SNX30: variants seen among roughly 807,000 people sequenced by gnomAD.
SNX30 encodes sorting nexin family member 30.
A neutral mutation model predicts 46.4 loss-of-function variants in SNX30; 24 were observed. The ratio of observed to expected loss-of-function variants is 0.52; its 90% CI spans 0.37 to 0.73. The LOEUF (loss-of-function observed/expected upper bound fraction) is 0.73, where lower values mean the gene tolerates loss of function less well. SNX30 is among the 30% of genes least tolerant of loss of function. SNX30 has a pLI of 0.00. For synonymous variants in SNX30, 189 were observed against 211.5 expected (o/e 0.89, Z 0.92); for missense variants, 533 against 555.7 (o/e 0.96, Z 0.41).
downstream of SNX30, among the ~76,000 whole-genome samples, chr9:112,876,619 G>A (rs367663620): frequency 3.0e-3 from 455 of 151,378 alleles, 2 homozygotes; most frequent in Non-Finnish European, 4.6e-3. Flanking sequence ...GAGAACCAAG[G>A]ACAGGACCTT....
At chr9:112,754,351 A>G (rs150500924) in intron 1 of SNX30, among the ~76,000 whole-genome samples, 10 of 150,502 alleles carry the variant, frequency 6.6e-5, no homozygotes, top group African/African-American at 1.7e-4. Context: ...AATCCTTTCT[A>G]TCTACCAGAG....
intron 8 of SNX30, among the ~76,000 whole-genome samples, chr9:112,868,208 C>T (rs755470133): frequency 6.6e-6 from 1 of 152,228 alleles, no homozygotes; most frequent in Non-Finnish European, 1.5e-5. Context: ...TAAAGTATGT[C>T]ACCATGTTTG....
chr9:112,798,121 C>CTTTTTTTTTTTT (rs57300324), intron 1 of SNX30, among the ~76,000 whole-genome samples: 7 of 77,884 alleles, frequency 9.0e-5, no homozygotes, highest in Non-Finnish European at 1.2e-4. Context: ...TTTTTTTTTT[C>CTTTTTTTTTTTT]TTTTTTTTTT....
At position 112,873,036 on chromosome 9, in the gene SNX30, C is replaced by CA. The variant is rs745663014; in HGVS notation, c.*4194dup. 6.6e-6 allele frequency: 1 copy of CA among 152,138 alleles called. No homozygotes were observed. Among genetic ancestry groups the CA allele is most frequent in the Non-Finnish European group, 1.5e-5 (1 of 68,052 alleles). 9.4% of individuals were successfully genotyped at this position (152,138 alleles called of 1,614,324 possible). ...TTTTTGTTTGAGAGATGCCTGGTCT[C>CA]ACAGTTACATGTATCAGAGTGTGTG... On this transcript the variant is annotated 3_prime_UTR_variant, in exon 9 of 9. Transcript: ENST00000374232.
intron 7 of SNX30, among the ~76,000 whole-genome samples, chr9:112,853,924 G>T (rs372013239): frequency 1.3e-5 from 2 of 152,196 alleles, no homozygotes; most frequent in Non-Finnish European, 2.9e-5. Context: ...AGGAAAAATA[G>T]AAGTCACTTT....
chr9:112,806,671 A>G (rs568054829), intron 2 of SNX30, among the ~76,000 whole-genome samples: 3 of 152,320 alleles, frequency 2.0e-5, no homozygotes, highest in African/African-American at 7.2e-5. Context: ...GTAAAAAAAT[A>G]AAAGAAGCGA....
chr9:112,856,413 G>A (rs1362119920), intron 7 of SNX30, among the ~76,000 whole-genome samples: 3 of 149,978 alleles, frequency 2.0e-5, no homozygotes, highest in Non-Finnish European at 3.0e-5. Context: ...CGTGTGGTGT[G>A]TGTGGGGTAT....
chr9:112,834,940 C>T (rs1039100003), intron 4 of SNX30, among the ~76,000 whole-genome samples: 1 of 149,864 alleles, frequency 6.7e-6, no homozygotes, highest in East Asian at 1.9e-4. Context: ...AAGAAGGAAG[C>T]GAAGAAGGAA....
intron 4 of SNX30, among the ~76,000 whole-genome samples, chr9:112,834,835 C>CAA (rs749999034): frequency 9.8e-6 from 1 of 101,524 alleles, no homozygotes; most frequent in Admixed American, 1.2e-4. Context: ...TAAACACACA[C>CAA]ACACACAAAC....
intron 4 of SNX30, 55 bp from the exon 5 acceptor site, chr9:112,836,159 G>C (rs1840747332): frequency 1.3e-6 from 2 of 1,486,916 alleles, no homozygotes; most frequent in African/African-American, 2.8e-5. Flanking sequence ...GTTTTATTTA[G>C]TCCTGCCCAT....
rs993872693 is a variant in SNX30, at chr9:112,834,176, C to T, written c.619-2038C>T. Among the ~76,000 whole-genome samples, 13 of 151,674 alleles carry T rather than the reference C, an allele frequency of 8.6e-5. 1 individual carries two copies. The highest frequency in any genetic ancestry group is 4.6e-4 in the Admixed American group (7 of 15,238). ...CCAAATTGCGGGGTGGGGGTGGGGG[C>T]GAGATTTTCCCCAAACACCAAGCAG... is the stretch of plus-strand genomic sequence containing the variant. On this transcript the variant is annotated intron_variant, in intron 4 of 8. Transcript: ENST00000374232.
chr9:112,768,651 T>TC (rs11381361), intron 1 of SNX30, among the ~76,000 whole-genome samples: 64,811 of 93,434 alleles, frequency 0.69, 24,216 homozygotes, highest in South Asian at 0.77. Flanking sequence ...TTTCTTCTTT[T>TC]TTTTTTTTTT....
intron 1 of SNX30, among the ~76,000 whole-genome samples, chr9:112,766,243 AG>A (rs775585277): frequency 1.3e-5 from 2 of 152,114 alleles, no homozygotes; most frequent in Non-Finnish European, 2.9e-5. Flanking sequence ...CCACCCCTCC[AG>A]TGTTACTTCA....
chr9:112,764,265 G>A (rs1368168158), intron 1 of SNX30, among the ~76,000 whole-genome samples: 1 of 152,228 alleles, frequency 6.6e-6, no homozygotes, highest in Non-Finnish European at 1.5e-5. Context: ...AGCGAGCAAG[G>A]GGATTGATGA....
chr9:112,783,429 G>A (rs550365650), intron 1 of SNX30, among the ~76,000 whole-genome samples: 1 of 152,222 alleles, frequency 6.6e-6, no homozygotes, highest in Non-Finnish European at 1.5e-5. Context: ...CACAGTGCCT[G>A]GCAGAGAGTG....
intron 4 of SNX30, among the ~76,000 whole-genome samples, chr9:112,831,319 G>C (rs1038394545): frequency 2.6e-5 from 4 of 152,076 alleles, no homozygotes; most frequent in Admixed American, 2.6e-4. Context: ...TAGGAGATCT[G>C]TCCCCACCCC....
chr9:112,804,258 A>G (rs1044614393), intron 1 of SNX30, among the ~76,000 whole-genome samples: 8 of 151,896 alleles, frequency 5.3e-5, no homozygotes, highest in Non-Finnish European at 1.0e-4. Flanking sequence ...TCCGCCTCCC[A>G]GGTTCAAGCA....
At chr9:112,754,824 C>A (rs1334955104) in intron 1 of SNX30, among the ~76,000 whole-genome samples, 3 of 152,094 alleles carry the variant, frequency 2.0e-5, no homozygotes, top group African/African-American at 4.8e-5. Context: ...ACTTCTGTAC[C>A]CCTCCCAAAA....
Position 112,836,393 on chromosome 9 carries a change from C to T in SNX30, c.798C>T (p.Ile266=), listed in dbSNP as rs775585094. 2 of 1,593,174 alleles carry T rather than the reference C, an allele frequency of 1.3e-6. No individual in the cohort carries two copies. Among genetic ancestry groups the T allele is most frequent in the Non-Finnish European group, 1.7e-6 (2 of 1,162,280 alleles). ...LGTIDRIAQR[I]IKEEIEYLVE... is the part of the protein sequence containing the mutation. ...CCATTGATCGAATAGCCCAGCGGAT[C>T]ATCAAAGAAGAAATAGGTGAGCTGT... Residue 266 remains isoleucine, a synonymous_variant, in exon 5 of 9, where the codon ATC becomes ATT. Coordinates refer to ENST00000374232, the MANE Select transcript of SNX30 (RefSeq NM_001012994.2).
Sources: allele counts gnomAD v4.1 joint callset (sites outside exome capture counted in the v4.1 genomes callset), GRCh38; gene constraint gnomAD v4.1.1; transcripts MANE v1.5; gene names NCBI Gene and HGNC (gene_info 2026-07-23, HGNC 2026-07-21).